SLC37A3: variants seen among roughly 807,000 people sequenced by gnomAD.
The protein encoded by SLC37A3 is sugar phosphate exchanger 3.
SLC37A3 carries 51 observed loss-of-function variants against 67.1 expected under a neutral mutation model. The ratio of observed to expected loss-of-function variants is 0.76; its 90% CI spans 0.61 to 0.96. The LOEUF (loss-of-function observed/expected upper bound fraction) is 0.96. Among genes scored for constraint, SLC37A3 ranks in the 40% least tolerant of loss-of-function variants. The pLI, the probability that SLC37A3 is intolerant of heterozygous loss-of-function variation, is 0.00. For synonymous variants in SLC37A3, 214 were observed against 231.4 expected (o/e 0.92, Z 0.68); for missense variants, 508 against 603.0 (o/e 0.84, Z 1.65).
Position 140,345,859 on chromosome 7 carries a change from G to T in SLC37A3, c.1126+10C>A. 1 of 1,600,756 alleles carries T rather than the reference G, an allele frequency of 6.2e-7. No individual in the cohort carries two copies. Among genetic ancestry groups the T allele is most frequent in the Non-Finnish European group, 8.6e-7 (1 of 1,168,138 alleles). ...AGCAAAGGAATTAGTAATTGCAAAA[G>T]AATACTCACGACTATACCCGATGAG... On this transcript the variant is annotated intron_variant, in intron 11 of 14. Coordinates refer to ENST00000326232, the MANE Select transcript of SLC37A3 (RefSeq NM_207113.3).
intron 2 of SLC37A3, among the ~76,000 whole-genome samples, chr7:140,381,873 G>A (rs773264091): frequency 1.3e-5 from 2 of 151,816 alleles, no homozygotes; most frequent in African/African-American, 4.8e-5. Context: ...TAGTAGCCGG[G>A]CATGGTGACA....
At chr7:140,377,084 C>T (rs992411746) in intron 3 of SLC37A3, among the ~76,000 whole-genome samples, 1 of 151,912 alleles carries the variant, frequency 6.6e-6, no homozygotes, top group Non-Finnish European at 1.5e-5. Flanking sequence ...GCTGGGACTA[C>T]AGGCATGCAT....
intron 3 of SLC37A3, among the ~76,000 whole-genome samples, chr7:140,370,163 T>G (rs1375535489): frequency 6.6e-6 from 1 of 150,850 alleles, no homozygotes; most frequent in Admixed American, 6.6e-5. Context: ...TTTTTTTTGC[T>G]TTTATTATTT....
At chr7:140,382,373 A>C (rs1011906510) in intron 2 of SLC37A3, 65 bp downstream of exon 2, 11 of 1,315,794 alleles carry the variant, frequency 8.4e-6, no homozygotes, top group South Asian at 1.2e-5. Flanking sequence ...GACACTTGCC[A>C]TGCAATATCT....
intron 3 of SLC37A3, among the ~76,000 whole-genome samples, chr7:140,371,899 T>C (rs1347166896): frequency 6.6e-6 from 1 of 152,152 alleles, no homozygotes; most frequent in African/African-American, 2.4e-5. Context: ...TTACCCAGGC[T>C]GGAGTGCAAT....
chr7:140,358,812 A>T (rs765515823), intron 5 of SLC37A3, 27 bp from the exon 6 acceptor site: 1 of 1,613,790 alleles, frequency 6.2e-7, no homozygotes, highest in South Asian at 1.1e-5. Flanking sequence ...CAAAAGGAAT[A>T]TGTAACAGCC....
At position 140,355,757 on chromosome 7, in the gene SLC37A3, C is replaced by A; in HGVS notation, c.529G>T (p.Val177Phe). Reference protein sequence around the residue: ...GNWFGKAGRGVVFGLWSACAS... With the variant: ...GNWFGKAGRGFVFGLWSACAS... ...CAGGCACTCCAGAGACCAAAAACAA[C>A]TCCTCGTCTAAGATGGAAAACAGTG... Residue 177 changes from valine (V) to phenylalanine (F), a missense_variant, in exon 7 of 15, where the codon GTT becomes TTT. Transcript: ENST00000326232. The A allele has an allele frequency of 1.2e-6, 2 of 1,613,880 alleles. No homozygotes were observed. The highest frequency in any genetic ancestry group is 1.7e-6 in the Non-Finnish European group (2 of 1,179,842).
chr7:140,339,973 C>T (rs1221263358), intron 13 of SLC37A3, among the ~76,000 whole-genome samples: 2 of 150,558 alleles, frequency 1.3e-5, no homozygotes, highest in African/African-American at 2.4e-5. Flanking sequence ...CTCCTGACCT[C>T]GTGATCCGCC....
At chr7:140,374,313 A>G (rs1304413881) in intron 3 of SLC37A3, among the ~76,000 whole-genome samples, 3 of 152,058 alleles carry the variant, frequency 2.0e-5, no homozygotes, top group Admixed American at 6.6e-5. Context: ...CCTGGCCAAC[A>G]TGGCAAAACC....
chr7:140,341,609 C>T (rs893521978), intron 13 of SLC37A3, among the ~76,000 whole-genome samples: 6 of 152,122 alleles, frequency 3.9e-5, no homozygotes, highest in Admixed American at 1.3e-4. Flanking sequence ...ATTCAAAACT[C>T]AACATGGAAG....
At chr7:140,371,465 C>T (rs1423664465) in intron 3 of SLC37A3, among the ~76,000 whole-genome samples, 1 of 152,196 alleles carries the variant, frequency 6.6e-6, no homozygotes, top group Non-Finnish European at 1.5e-5. Flanking sequence ...AGCCACCGTG[C>T]CCGACCGAGA....
intron 6 of SLC37A3, among the ~76,000 whole-genome samples, chr7:140,357,507 T>G (rs1210815655): frequency 7.1e-6 from 1 of 141,650 alleles, no homozygotes; most frequent in Non-Finnish European, 1.5e-5. Context: ...CGAGGCAGAA[T>G]AGCTTGAGGC....
chr7:140,336,331 G>T (rs953311566), intron 14 of SLC37A3, among the ~76,000 whole-genome samples: 1 of 152,158 alleles, frequency 6.6e-6, no homozygotes, highest in African/African-American at 2.4e-5. Flanking sequence ...GACCCCCTGA[G>T]CCCAAGATCA....
intron 12 of SLC37A3, among the ~76,000 whole-genome samples, chr7:140,344,633 A>G (rs1796483920): frequency 6.6e-6 from 1 of 151,622 alleles, no homozygotes; most frequent in African/African-American, 2.4e-5. Flanking sequence ...GTGCACGCCT[A>G]TATTACCAGC....
chr7:140,354,811 C>T (rs923856295), intron 7 of SLC37A3, among the ~76,000 whole-genome samples: 4 of 148,896 alleles, frequency 2.7e-5, no homozygotes, highest in Non-Finnish European at 5.9e-5. Flanking sequence ...TGTATCTTGG[C>T]TCACTGTACC....
intron 13 of SLC37A3, 126 bp from the exon 14 acceptor site, chr7:140,337,475 G>T: frequency 3.9e-6 from 3 of 764,696 alleles, no homozygotes; most frequent in Non-Finnish European, 5.9e-6. Flanking sequence ...ATGTTTTGCA[G>T]TTTACAAAGC....
intron 13 of SLC37A3, among the ~76,000 whole-genome samples, chr7:140,338,183 C>A (rs1334546374): frequency 3.3e-5 from 5 of 152,100 alleles, no homozygotes; most frequent in Admixed American, 6.6e-5. Flanking sequence ...CTGCGCCCGG[C>A]CCATTTTAAC....
chr7:140,338,400 C>T (rs904786312), intron 13 of SLC37A3, among the ~76,000 whole-genome samples: 4 of 152,192 alleles, frequency 2.6e-5, no homozygotes, highest in African/African-American at 9.7e-5. Flanking sequence ...TAAATGGAAT[C>T]ACAGTATTTG....
intron 2 of SLC37A3, among the ~76,000 whole-genome samples, chr7:140,380,989 T>C (rs62490397): frequency 0.56 from 83,699 of 148,814 alleles, 23,609 homozygotes; most frequent in South Asian, 0.65. Context: ...CTCAGCCTCC[T>C]GGATTCAAGC....
Sources: gnomAD v4.1 joint callset for allele counts (sites outside exome capture counted in the v4.1 genomes callset) on GRCh38, gnomAD v4.1.1 for gene constraint, MANE v1.5 for transcripts, NCBI Gene and HGNC (gene_info 2026-07-23, HGNC 2026-07-21) for gene names.